The following TSPAN9 variants were observed in gnomAD, a reference collection of about 807,000 sequenced individuals.
TSPAN9 encodes tetraspanin-9.
A neutral mutation model predicts 31.0 loss-of-function variants in TSPAN9; 16 were observed. The observed-to-expected ratio is 0.52, with a 90% CI of 0.35 to 0.78. The LOEUF (loss-of-function observed/expected upper bound fraction) is 0.78. Ranked by LOEUF, TSPAN9 falls within the 30% of genes least tolerant of loss-of-function variation. TSPAN9 has a pLI of 0.01. For synonymous variants in TSPAN9, 145 were observed against 121.6 expected, an observed-to-expected ratio of 1.19 and a Z score of -1.27; for missense variants, 272 against 312.5, an observed-to-expected ratio of 0.87 and a Z score of 0.98.
At position 3,283,321 on chromosome 12, in the gene TSPAN9, CG is replaced by C. The variant is rs1462000430; in HGVS notation, c.*209del. The C allele has an allele frequency of 7.2e-6, 4 of 553,790 alleles. No homozygotes were observed. The highest frequency in any genetic ancestry group is 6.4e-5 in the East Asian group (2 of 31,400). The allele number at this position is 553,790 out of a possible 1,614,324, so 34.3% of individuals were successfully genotyped here. A position where few individuals can be genotyped will look rare whatever the true frequency, so the allele number is the denominator to read the frequency against. ...AGGAGGCACACGGAGACCTGGGGCT[CG>C]GGGCCCCTGGATTCCTGCATCTGCA... On this transcript the variant is annotated 3_prime_UTR_variant, in exon 9 of 9. Transcript: ENST00000011898.
intron 2 of TSPAN9, among the ~76,000 whole-genome samples, chr12:3,179,105 T>C (rs2098357439): frequency 6.6e-6 from 1 of 152,162 alleles, no homozygotes; most frequent in African/African-American, 2.4e-5. Context: ...ACAGGAACTA[T>C]CAGGAGCTGG....
Position 3,280,424 on chromosome 12 carries a change from C to T in TSPAN9, c.373C>T (p.Leu125=), listed in dbSNP as rs35155720. ...GAAGGACCTGAAGGAAGGCCTGCTG[C>T]TGTACCACACCGAGAACAACGTGGG... ...AKKDLKEGLL[L]YHTENNVGLK... Residue 125 remains leucine (L), a synonymous_variant, in exon 6 of 9, where the codon CTG becomes TTG. Coordinates refer to ENST00000011898, the MANE Select transcript of TSPAN9 (RefSeq NM_006675.5). The surrounding 1 kb of genome is among the most constrained non-coding windows in gnomAD (Gnocchi z 4.5). 2,441 of 1,613,446 alleles carry T rather than the reference C, an allele frequency of 1.5e-3. 32 individuals carry two copies. The African/African-American group carries it at 0.03, about 20-fold the overall frequency.
intron 2 of TSPAN9, among the ~76,000 whole-genome samples, chr12:3,153,557 A>G (rs2098340856): frequency 6.6e-6 from 1 of 152,128 alleles, no homozygotes; most frequent in South Asian, 2.1e-4. Flanking sequence ...CATCATCATC[A>G]CACTTTCAAG....
chr12:3,268,154 C>CT (rs1266076168), intron 3 of TSPAN9, among the ~76,000 whole-genome samples: 2 of 147,250 alleles, frequency 1.4e-5, no homozygotes, highest in East Asian at 2.0e-4. Context: ...AGCCTGCCCT[C>CT]CGTGCATTCC....
chr12:3,277,752 G>A (rs1035959963), intron 3 of TSPAN9, among the ~76,000 whole-genome samples: 8 of 152,216 alleles, frequency 5.3e-5, no homozygotes, highest in Non-Finnish European at 1.2e-4. Context: ...TTTGGGGGCC[G>A]ATCATGCCAG....
chr12:3,206,798 C>T (rs2098375495), intron 3 of TSPAN9, among the ~76,000 whole-genome samples: 1 of 151,998 alleles, frequency 6.6e-6, no homozygotes, highest in Admixed American at 6.5e-5. Context: ...TAATAGAGCT[C>T]CTTAATGGAG....
At chr12:3,094,326 A>G (rs1188831995) in intron 2 of TSPAN9, among the ~76,000 whole-genome samples, 2 of 152,074 alleles carry the variant, frequency 1.3e-5, no homozygotes, top group Admixed American at 6.5e-5. Context: ...CATTGCCTCT[A>G]TTAGAGAAAT....
chr12:3,247,936 C>G lies in TSPAN9; in HGVS notation c.64-30485C>G, dbSNP rs562084113. Among the ~76,000 whole-genome samples, 94 of 152,344 alleles carry G rather than the reference C, an allele frequency of 6.2e-4. 2 individuals carry two copies. The highest frequency in any genetic ancestry group is 5.8e-3 in the South Asian group (28 of 4,826). ...GCTAGAACAGGGCAGCATGTACCTT[C>G]TGTGTGTGCATGCCAGTGGGGAAGC... On this transcript the variant is annotated intron_variant, in intron 3 of 8. Coordinates refer to ENST00000011898, the MANE Select transcript of TSPAN9 (RefSeq NM_006675.5).
chr12:3,249,806 C>T (rs1213066143), intron 3 of TSPAN9, among the ~76,000 whole-genome samples: 1 of 152,126 alleles, frequency 6.6e-6, no homozygotes, highest in East Asian at 1.9e-4. Flanking sequence ...AATGATGGAG[C>T]CAGGATTTGA....
chr12:3,090,331 T>A lies in TSPAN9; in HGVS notation c.-18+6612T>A, dbSNP rs116071067. On this transcript the variant is annotated intron_variant, in intron 2 of 8. Transcript: ENST00000011898. ...TAACACAAACACCATTTTCTTTGCT[T>A]CCAGTTCTACGGGTTAGCCTTTTGG... is the stretch of plus-strand genomic sequence containing the variant. Among the ~76,000 whole-genome samples, 833 of 152,346 alleles carry A rather than the reference T, an allele frequency of 5.5e-3. 4 individuals are homozygous for A. Among genetic ancestry groups the A allele is most frequent in the African/African-American group, 0.019 (797 of 41,586 alleles).
At chr12:3,173,422 A>ACTC (rs2098353248) in intron 2 of TSPAN9, 1 of 152,156 alleles carries the variant, frequency 6.6e-6, no homozygotes, top group African/African-American at 2.4e-5. Context: ...TAGCACAGGT[A>ACTC]CTCCCATGGG....
chr12:3,136,198 C>G (rs2098332053), intron 2 of TSPAN9, among the ~76,000 whole-genome samples: 1 of 152,176 alleles, frequency 6.6e-6, no homozygotes, highest in Non-Finnish European at 1.5e-5. Flanking sequence ...CAGGGATGCC[C>G]TGACTCCTTT....
intron 2 of TSPAN9, among the ~76,000 whole-genome samples, chr12:3,184,425 GAGAGAGAGAGAA>G (rs2153971497): frequency 6.6e-6 from 1 of 151,372 alleles, no homozygotes; most frequent in East Asian, 1.9e-4. Context: ...GAAAGAGAAA[GAGAGAGAGAGAA>G]AGAAAGAGAG....
At chr12:3,157,168 C>G (rs2098342686) in intron 2 of TSPAN9, among the ~76,000 whole-genome samples, 1 of 151,026 alleles carries the variant, frequency 6.6e-6, no homozygotes, top group Admixed American at 6.6e-5. Context: ...GGCGCGATCT[C>G]AGCTCACTGC....
intron 2 of TSPAN9, among the ~76,000 whole-genome samples, chr12:3,145,506 A>C (rs779857910): frequency 3.9e-4 from 59 of 152,228 alleles, no homozygotes; most frequent in African/African-American, 5.5e-4. Flanking sequence ...ACCTCAGTAC[A>C]TCTTGCTGAG....
chr12:3,202,505 T>C (rs1358994251), intron 3 of TSPAN9, among the ~76,000 whole-genome samples: 1 of 152,216 alleles, frequency 6.6e-6, no homozygotes, highest in Admixed American at 6.5e-5. Flanking sequence ...GCTCTAGTCT[T>C]GGTTCTGCAT....
chr12:3,114,902 A>G (rs1343825775), intron 2 of TSPAN9, among the ~76,000 whole-genome samples: 1 of 152,014 alleles, frequency 6.6e-6, no homozygotes, highest in East Asian at 1.9e-4. Context: ...GAAGGCCAAC[A>G]GGTTTGTTTT....
rs1265933255 is a variant in TSPAN9, at chr12:3,170,218, A to T, written c.-17-30959A>T. Among the ~76,000 whole-genome samples the T allele has an allele frequency of 6.6e-6, 1 of 152,082 alleles. No individual in the cohort carries two copies. The highest frequency in any genetic ancestry group is 1.5e-5 in the Non-Finnish European group (1 of 68,018). ...TCACTTACATCTGAATTTCTCTCCC[A>T]TCCATCTCGTTTATGGTGTTTACAG... On this transcript the variant is annotated intron_variant, in intron 2 of 8. Coordinates refer to ENST00000011898, the MANE Select transcript of TSPAN9 (RefSeq NM_006675.5). This position sits in a 1 kb window ranked among gnomAD's most constrained non-coding sequence, Gnocchi z 4.4.
At chr12:3,141,994 G>T (rs973688541) in intron 2 of TSPAN9, among the ~76,000 whole-genome samples, 21 of 152,204 alleles carry the variant, frequency 1.4e-4, no homozygotes. Context: ...TGGCCAGCAG[G>T]TGCATAGCAA....
Sources: gnomAD v4.1 joint callset for allele counts (sites outside exome capture counted in the v4.1 genomes callset) on GRCh38, gnomAD v4.1.1 for gene constraint, Gnocchi (gnomAD v3.1) non-coding constraint, MANE v1.5 for transcripts, NCBI Gene and HGNC (gene_info 2026-07-23, HGNC 2026-07-21) for gene names.